INPP4B: variants seen among roughly 807,000 people sequenced by gnomAD.
INPP4B encodes inositol polyphosphate-4-phosphatase type II B.
INPP4B carries 55 observed loss-of-function variants against 122.5 expected under a neutral mutation model. The ratio of observed to expected loss-of-function variants is 0.45; its 90% confidence interval spans 0.36 to 0.56. The LOEUF is 0.56. INPP4B is among the 20% of genes least tolerant of loss of function. The pLI, the probability that INPP4B is intolerant of heterozygous loss-of-function variation, is 0.00. For synonymous variants in INPP4B, 403 were observed against 388.7 expected, an observed-to-expected ratio of 1.04 and a Z score of -0.43; for missense variants, 1,000 against 1,097.7, an observed-to-expected ratio of 0.91 and a Z score of 1.26.
intron 25 of INPP4B, among the ~76,000 whole-genome samples, chr4:142,054,719 A>G (rs1203827777): frequency 3.9e-5 from 6 of 152,236 alleles, no homozygotes; most frequent in Non-Finnish European, 7.4e-5. Context: ...CTGGATAGTC[A>G]CAAAAGATTC....
chr4:142,353,194 G>A (rs1218485433), intron 7 of INPP4B, among the ~76,000 whole-genome samples: 5 of 151,934 alleles, frequency 3.3e-5, no homozygotes, highest in Admixed American at 2.6e-4. Context: ...TTATTAAAAC[G>A]TCTACAGGTA....
intron 7 of INPP4B, among the ~76,000 whole-genome samples, chr4:142,349,966 C>G (rs1250857625): frequency 6.6e-6 from 1 of 151,004 alleles, no homozygotes; most frequent in East Asian, 2.0e-4. Context: ...TAATGTATGA[C>G]AGAGATAAAG....
At chr4:142,044,143 T>C (rs1304180371) in intron 25 of INPP4B, among the ~76,000 whole-genome samples, 2 of 152,176 alleles carry the variant, frequency 1.3e-5, no homozygotes, top group Non-Finnish European at 2.9e-5. Context: ...TATTTAAACA[T>C]GCTAAGTTTG....
At chr4:142,405,142 A>AGAGC in intron 6 of INPP4B, 64 bp downstream of exon 6, 2 of 935,268 alleles carry the variant, frequency 2.1e-6, no homozygotes, top group Non-Finnish European at 3.4e-6. Context: ...AGAGAGAGCA[A>AGAGC]GAGCGAGCGA....
intron 8 of INPP4B, among the ~76,000 whole-genome samples, chr4:142,313,466 G>A (rs1447818492): frequency 6.6e-6 from 1 of 152,166 alleles, no homozygotes; most frequent in Non-Finnish European, 1.5e-5. Flanking sequence ...GGGTCCAGTT[G>A]GAAGCAGGGC....
chr4:142,335,488 C>T (rs1776281513), intron 7 of INPP4B, among the ~76,000 whole-genome samples: 2 of 152,270 alleles, frequency 1.3e-5, no homozygotes, highest in Middle Eastern at 3.4e-3. Flanking sequence ...CCATGTATAC[C>T]TTAAGGATGT....
intron 2 of INPP4B, among the ~76,000 whole-genome samples, chr4:142,611,173 G>A (rs901295584): frequency 3.9e-5 from 6 of 152,086 alleles, no homozygotes; most frequent in South Asian, 2.1e-4. Context: ...GAGAGAAAGA[G>A]GAGAGGTGCT....
intron 2 of INPP4B, among the ~76,000 whole-genome samples, chr4:142,556,140 G>A (rs144926313): frequency 2.0e-5 from 3 of 152,248 alleles, no homozygotes; most frequent in African/African-American, 4.8e-5. Flanking sequence ...TCAGAACCCA[G>A]ATCTTTAGCC....
At chr4:142,529,329 T>C (rs1489613246) in intron 2 of INPP4B, among the ~76,000 whole-genome samples, 1 of 152,074 alleles carries the variant, frequency 6.6e-6, no homozygotes, top group African/African-American at 2.4e-5. Context: ...ATTAAAATAC[T>C]TTTTTATTTT....
At chr4:142,241,252 C>A (rs929473723) in intron 11 of INPP4B, among the ~76,000 whole-genome samples, 143 of 152,016 alleles carry the variant, frequency 9.4e-4, no homozygotes, top group African/African-American at 3.4e-3. Context: ...CTGCTTTTGC[C>A]ATACAATTGC....
At chr4:142,704,210 A>G (rs1762180003) in intron 2 of INPP4B, among the ~76,000 whole-genome samples, 1 of 152,328 alleles carries the variant, frequency 6.6e-6, no homozygotes, top group Admixed American at 6.5e-5. Flanking sequence ...AAGCTGGGGC[A>G]TGATGGTGAG....
chr4:142,263,925 GAAC>G (rs1413889326), intron 10 of INPP4B, among the ~76,000 whole-genome samples: 1 of 151,760 alleles, frequency 6.6e-6, no homozygotes, highest in African/African-American at 2.4e-5. Flanking sequence ...AAATGTTCAG[GAAC>G]AACAAGGAAG....
At chr4:142,158,244 A>G (rs899027335) in intron 17 of INPP4B, among the ~76,000 whole-genome samples, 1 of 152,132 alleles carries the variant, frequency 6.6e-6, no homozygotes, top group African/African-American at 2.4e-5. Context: ...ACTTATACTC[A>G]GATTTAAATC....
chr4:142,809,101 G>A (rs943436058), intron 1 of INPP4B, among the ~76,000 whole-genome samples: 8 of 152,008 alleles, frequency 5.3e-5, no homozygotes, highest in Non-Finnish European at 8.8e-5. Context: ...TTGGAATCAA[G>A]CACATGGTGA....
At chr4:142,117,518 C>T (rs946893770) in intron 21 of INPP4B, among the ~76,000 whole-genome samples, 2 of 152,118 alleles carry the variant, frequency 1.3e-5, no homozygotes, top group Non-Finnish European at 2.9e-5. Context: ...CTATGCAAAT[C>T]AATAAACATA....
chr4:142,203,865 C>T (rs533862197), intron 14 of INPP4B, among the ~76,000 whole-genome samples: 1 of 152,156 alleles, frequency 6.6e-6, no homozygotes, highest in East Asian at 1.9e-4. Flanking sequence ...TAGACCACAT[C>T]CAAATAACTT....
intron 11 of INPP4B, among the ~76,000 whole-genome samples, chr4:142,258,920 C>A (rs1738048492): frequency 6.6e-6 from 1 of 152,008 alleles, no homozygotes; most frequent in Non-Finnish European, 1.5e-5. Context: ...TTTATTGTGG[C>A]ATTATTCACA....
chr4:142,323,305 T>C (rs1770829501), intron 7 of INPP4B, among the ~76,000 whole-genome samples: 1 of 152,162 alleles, frequency 6.6e-6, no homozygotes, highest in African/African-American at 2.4e-5. Context: ...CCCAATTCAT[T>C]TATGTGTACA....
At chr4:142,465,544 C>G (rs892099646) in intron 2 of INPP4B, among the ~76,000 whole-genome samples, 1 of 152,112 alleles carries the variant, frequency 6.6e-6, no homozygotes, top group Non-Finnish European at 1.5e-5. Context: ...GCAGAATATT[C>G]CAAAAAAATT....
Sources: gnomAD v4.1 joint callset for allele counts (sites outside exome capture counted in the v4.1 genomes callset) on GRCh38, gnomAD v4.1.1 for gene constraint, MANE v1.5 for transcripts, NCBI Gene and HGNC (gene_info 2026-07-23, HGNC 2026-07-21) for gene names.